Variants in NUP155 observed in about 807,000 individuals in gnomAD.
NUP155 encodes nuclear pore complex protein Nup155.
In NUP155, 71 loss-of-function variants were observed where a neutral mutation model predicts 180.4. That is an observed-to-expected ratio of 0.39 (90% CI 0.33 to 0.48). NUP155 has a LOEUF of 0.48. Among genes scored for constraint, NUP155 ranks in the 20% least tolerant of loss-of-function variants. The probability of loss-of-function intolerance (pLI) is 0.91; values close to 1 mark genes in which losing one functional copy is unlikely to be tolerated. For synonymous variants in NUP155, 582 were observed against 559.5 expected (o/e 1.04, Z -0.57); for missense variants, 1,553 against 1,648.9 (o/e 0.94, Z 1.01).
At chr5:37,300,011 C>T (rs548912275) in intron 30 of NUP155, among the ~76,000 whole-genome samples, 1 of 148,636 alleles carries the variant, frequency 6.7e-6, no homozygotes, top group South Asian at 2.1e-4. Context: ...GAGAAAGACT[C>T]TGTCTCCCCC....
rs554161177 is a variant in NUP155, at chr5:37,294,473, GA to G, written c.3794-9del. 4.9e-5 allele frequency: 79 copies of G among 1,601,146 alleles called. No homozygotes were observed. In the East Asian group the frequency reaches 7.9e-4, roughly 16 times the overall value. On this transcript the variant is annotated splice_polypyrimidine_tract_variant and intron_variant, in intron 32 of 34. Coordinates refer to ENST00000231498, the MANE Select transcript of NUP155 (RefSeq NM_153485.3). ...AAAACTGTACAATAAAATCTGGGAA[GA>G]AAAAAAAAGATCGGAAATTTGGATT...
intron 13 of NUP155, 92 bp from the exon 14 acceptor site, chr5:37,331,887 C>T (rs1216575952): frequency 3.7e-6 from 3 of 816,282 alleles, no homozygotes; most frequent in Non-Finnish European, 6.2e-6. Flanking sequence ...ATAAATGAAA[C>T]AAACAAAAAA....
At chr5:37,319,770 C>G (rs1744125704) in intron 20 of NUP155, among the ~76,000 whole-genome samples, 1 of 152,102 alleles carries the variant, frequency 6.6e-6, no homozygotes, top group African/African-American at 2.4e-5. Flanking sequence ...ACTCAGGAGG[C>G]TGAGGTGGGA....
intron 11 of NUP155, among the ~76,000 whole-genome samples, chr5:37,338,287 C>T (rs1469818029): frequency 1.5e-5 from 2 of 135,110 alleles, no homozygotes; most frequent in Non-Finnish European, 3.1e-5. Context: ...CACTGCACTC[C>T]AGCCTGGGCG....
intron 20 of NUP155, among the ~76,000 whole-genome samples, chr5:37,318,698 T>G (rs1744061110): frequency 1.3e-5 from 2 of 152,158 alleles, no homozygotes; most frequent in Admixed American, 1.3e-4. Context: ...ATATTCAATG[T>G]GTATCACAAT....
In NUP155 at chr5:37,303,155, T is replaced by G. The variant is rs367716323; in HGVS notation, c.3317+105A>C. 1.4e-5 allele frequency: 18 copies of G among 1,318,450 alleles called. 1 individual carries two copies. The African/African-American group carries it at 2.4e-4, about 17-fold the overall frequency. The allele number at this position is 1,318,450 out of a possible 1,614,324, so 81.7% of individuals were successfully genotyped here. On this transcript the variant is annotated intron_variant, in intron 28 of 34. Coordinates refer to ENST00000231498, the MANE Select transcript of NUP155 (RefSeq NM_153485.3). ...TAACATCCTATTTAAAAAATTTAGG[T>G]CAGTATATTAAAACTTAGATTCTTC...
rs1742108823 is a variant in NUP155, at chr5:37,288,490, A to T, written c.*3410T>A. On this transcript the variant is annotated 3_prime_UTR_variant, in exon 35 of 35. Transcript: ENST00000231498. ...CTAACCGTTTTGCCATACTACAATGATCTAGTTAAAATACAAATTTCACAA... is the reference window on the plus strand; with the variant it reads ...CTAACCGTTTTGCCATACTACAATGTTCTAGTTAAAATACAAATTTCACAA... 6.6e-6 allele frequency: 1 copy of T among 152,192 alleles called. No individual in the cohort carries two copies. The highest frequency in any genetic ancestry group is 6.5e-5 in the Admixed American group (1 of 15,268). The allele number at this position is 152,192 out of a possible 1,614,324, so 9.4% of individuals were successfully genotyped here.
rs773663680 is a variant in NUP155 at position 37,371,023 on chromosome 5, G to C, written c.-46C>G. 3 of 1,596,838 alleles carry C rather than the reference G, an allele frequency of 1.9e-6. No individual in the cohort carries two copies. The East Asian group carries it at 6.7e-5, about 36-fold the overall frequency. ...GGGTCCAGAAAAAGTCAAAAACCAAGGAGAAACAAGAAAAGATCCAAGAAG... is the reference window on the plus strand; with the variant it reads ...GGGTCCAGAAAAAGTCAAAAACCAACGAGAAACAAGAAAAGATCCAAGAAG... On this transcript the variant is annotated 5_prime_UTR_variant, in exon 1 of 35. Transcript: ENST00000231498.
intron 4 of NUP155, among the ~76,000 whole-genome samples, chr5:37,357,020 T>C (rs1302773496): frequency 6.6e-6 from 1 of 152,040 alleles, no homozygotes; most frequent in African/African-American, 2.4e-5. Context: ...GGCAAGAGAA[T>C]CGCTCAATCC....
intron 3 of NUP155, among the ~76,000 whole-genome samples, chr5:37,362,979 C>T (rs577387876): frequency 6.6e-6 from 1 of 152,188 alleles, no homozygotes; most frequent in South Asian, 2.1e-4. Flanking sequence ...GTGGCACTAT[C>T]TCAGCTCACT....
chr5:37,367,698 A>C (rs1747689279), intron 1 of NUP155, among the ~76,000 whole-genome samples: 1 of 151,358 alleles, frequency 6.6e-6, no homozygotes, highest in Non-Finnish European at 1.5e-5. Context: ...ACGCCCGGCT[A>C]ATTATTTTGT....
intron 30 of NUP155, 72 bp downstream of exon 30, chr5:37,301,365 A>G (rs1477325821): frequency 1.0e-6 from 1 of 958,910 alleles, no homozygotes; most frequent in Non-Finnish European, 1.7e-6. Context: ...ATGAAACAAA[A>G]AGCAAAATAA....
intron 20 of NUP155, among the ~76,000 whole-genome samples, chr5:37,323,688 A>C (rs866654411): frequency 6.7e-6 from 1 of 149,714 alleles, no homozygotes; most frequent in African/African-American, 2.4e-5. Context: ...TATATAAAAT[A>C]TAATATTTAT....
Position 37,290,022 on chromosome 5 carries a change from AG to A in NUP155, c.*1877del, listed in dbSNP as rs1018644706. 1 of 152,238 alleles carries A rather than the reference AG, an allele frequency of 6.6e-6. No homozygotes were observed. The highest frequency in any genetic ancestry group is 2.4e-5 in the African/African-American group (1 of 41,462). The allele number at this position is 152,238 out of a possible 1,614,324, so 9.4% of individuals were successfully genotyped here. A position where few individuals can be genotyped will look rare whatever the true frequency, so the allele number is the denominator to read the frequency against. On this transcript the variant is annotated 3_prime_UTR_variant, in exon 35 of 35. Transcript: ENST00000231498. ...TCTACATTAGAAGATTATAGGGAAA[AG>A]GGAGCTGAATTCTAAGAGAACAAAT...
At chr5:37,299,338 A>C in intron 31 of NUP155, 110 bp downstream of exon 31, 6 of 1,342,548 alleles carry the variant, frequency 4.5e-6, no homozygotes, top group Non-Finnish European at 6.4e-6. Context: ...AGGTATACAC[A>C]ATTTTCATGA....
intron 21 of NUP155, among the ~76,000 whole-genome samples, chr5:37,314,776 C>T (rs1743777305): frequency 6.6e-6 from 1 of 150,866 alleles, no homozygotes; most frequent in Non-Finnish European, 1.5e-5. Context: ...GGAGGCGGAG[C>T]CTGGGCGACA....
At chr5:37,298,825 T>C in intron 32 of NUP155, 43 bp downstream of exon 32, 1 of 1,015,746 alleles carries the variant, frequency 9.8e-7, no homozygotes, top group Non-Finnish European at 1.6e-6. Context: ...GAGAAAACCA[T>C]CAGAACAGAA....
At chr5:37,325,843 CCAT>C in intron 19 of NUP155, 55 bp downstream of exon 19, 1 of 990,348 alleles carries the variant, frequency 1.0e-6, no homozygotes, top group South Asian at 1.3e-5. Flanking sequence ...AACAATCTAA[CCAT>C]TTATACCATC....
chr5:37,364,359 T>C lies in NUP155; in HGVS notation c.183A>G (p.Ser61=), dbSNP rs774931850. The C allele has an allele frequency of 1.1e-5, 18 of 1,611,908 alleles. No individual in the cohort carries two copies. The highest frequency in any genetic ancestry group is 1.5e-5 in the Non-Finnish European group (18 of 1,178,126). ...APNNPTVSGM[S]DMDYPLQGPG... is the part of the protein sequence containing the mutation. ...GTCCTTGCAAAGGATAATCCATATC[T>C]GACATGCCAGAAACGGTGGGATTAT... The change falls in exon 2 of 35, where the codon TCA becomes TCG. Residue 61 remains serine (S), a synonymous_variant. Coordinates refer to ENST00000231498, the MANE Select transcript of NUP155 (RefSeq NM_153485.3).
Sources: gnomAD v4.1 joint callset for allele counts (sites outside exome capture counted in the v4.1 genomes callset) on GRCh38, gnomAD v4.1.1 for gene constraint, MANE v1.5 for transcripts, NCBI Gene and HGNC (gene_info 2026-07-23, HGNC 2026-07-21) for gene names.